The following TNNI3K variants were observed in gnomAD, a reference collection of about 807,000 sequenced individuals.
The protein encoded by TNNI3K is TNNI3 interacting kinase, also known as serine/threonine-protein kinase TNNI3K.
In TNNI3K, 140 loss-of-function variants were observed where a neutral mutation model predicts 114.5. That is an observed-to-expected ratio of 1.22 (90% CI 1.07 to 1.41). The LOEUF (loss-of-function observed/expected upper bound fraction) is 1.41. TNNI3K is among the 40% of genes most tolerant of loss of function. The pLI is 0.00. For missense variants in TNNI3K, 1,125 were observed against 1,007.6 expected, an observed-to-expected ratio of 1.12 and a Z score of -1.58; for synonymous variants, 347 against 347.5, an observed-to-expected ratio of 1.00 and a Z score of 0.02.
At chr1:74,540,009 C>T (rs567060494) in intron 23 of TNNI3K, among the ~76,000 whole-genome samples, 2 of 152,140 alleles carry the variant, frequency 1.3e-5, no homozygotes, top group African/African-American at 2.4e-5. Flanking sequence ...AAGGTTATAC[C>T]GCTAGAAATT....
intron 23 of TNNI3K, among the ~76,000 whole-genome samples, chr1:74,510,532 A>G (rs893510311): frequency 2.6e-5 from 4 of 152,112 alleles, no homozygotes; most frequent in Non-Finnish European, 5.9e-5. Flanking sequence ...TGAGAAAAAA[A>G]TTATTGAGAG....
At chr1:74,307,582 T>A (rs1176151154) in intron 5 of TNNI3K, among the ~76,000 whole-genome samples, 2 of 152,120 alleles carry the variant, frequency 1.3e-5, no homozygotes, top group Non-Finnish European at 2.9e-5. Flanking sequence ...CAACAATAAG[T>A]TTTAACCATC....
rs141020613 is a variant in TNNI3K, at chr1:74,325,143, G to T, written c.445-6307G>T. ...ACCAGGAACTGACCTTTGATCATCC[G>T]CATGCATGAGTTTCTGTGAAAGGGG... On this transcript the variant is annotated intron_variant, in intron 5 of 24. Transcript: ENST00000326637. Among the ~76,000 whole-genome samples, 13 of 152,236 alleles carry T rather than the reference G, an allele frequency of 8.5e-5. No individual in the cohort carries two copies. The East Asian group carries it at 2.3e-3, about 27-fold the overall frequency.
At chr1:74,408,317 T>G (rs766725135) in intron 17 of TNNI3K, among the ~76,000 whole-genome samples, 1 of 152,192 alleles carries the variant, frequency 6.6e-6, no homozygotes, top group Non-Finnish European at 1.5e-5. Context: ...ATATACCACC[T>G]GTTAGCCCAT....
chr1:74,299,208 G>A (rs1370561978), intron 5 of TNNI3K, among the ~76,000 whole-genome samples: 2 of 152,064 alleles, frequency 1.3e-5, no homozygotes, highest in Non-Finnish European at 1.5e-5. Flanking sequence ...ACCCTGAAGC[G>A]TGCTGATTGG....
intron 4 of TNNI3K, among the ~76,000 whole-genome samples, chr1:74,256,212 C>T (rs1655285590): frequency 6.6e-6 from 1 of 150,384 alleles, no homozygotes; most frequent in Non-Finnish European, 1.5e-5. Context: ...CAATTCCTTC[C>T]TACATTCCCA....
chr1:74,481,153 A>G (rs1167680225), intron 21 of TNNI3K, among the ~76,000 whole-genome samples: 3 of 152,220 alleles, frequency 2.0e-5, no homozygotes, highest in African/African-American at 4.8e-5. Context: ...CTATATATCA[A>G]AATGATGGAT....
chr1:74,268,597 G>A (rs1307528143), intron 4 of TNNI3K, among the ~76,000 whole-genome samples: 1 of 151,622 alleles, frequency 6.6e-6, no homozygotes, highest in East Asian at 1.9e-4. Flanking sequence ...ATTTTATTTG[G>A]AAGGTACTAT....
In TNNI3K at chr1:74,492,144, T is replaced by C; in HGVS notation, c.2229T>C (p.Ser743=). 6.2e-7 allele frequency: 1 copy of C among 1,612,998 alleles called. No individual in the cohort carries two copies. Among genetic ancestry groups the C allele is most frequent in the Non-Finnish European group, 8.5e-7 (1 of 1,179,164 alleles). Reference sequence around the variant, plus strand: ...ACAGCAGTGGGTCTCTCTCACCTTCTTCTTCTTCTGATTGCCTGGTGAACC... The same window carrying C: ...ACAGCAGTGGGTCTCTCTCACCTTCCTCTTCTTCTGATTGCCTGGTGAACC... ...SSNSSGSLSP[S]SSSDCLVNRG... The change falls in exon 23 of 25, where the codon TCT becomes TCC. Residue 743 remains serine (S), a synonymous_variant. Transcript: ENST00000326637.
intron 5 of TNNI3K, among the ~76,000 whole-genome samples, chr1:74,283,045 A>G (rs896800956): frequency 3.3e-5 from 5 of 152,212 alleles, no homozygotes; most frequent in Admixed American, 6.5e-5. Flanking sequence ...ATAGGTTTCC[A>G]TACTTGGTTT....
At chr1:74,358,992 T>C (rs1156513323) in intron 11 of TNNI3K, among the ~76,000 whole-genome samples, 2 of 152,010 alleles carry the variant, frequency 1.3e-5, no homozygotes, top group Non-Finnish European at 2.9e-5. Context: ...CTTTGTTTTA[T>C]AGATAAAGAG....
At chr1:74,477,958 A>G (rs1416780789) in intron 21 of TNNI3K, among the ~76,000 whole-genome samples, 1 of 152,238 alleles carries the variant, frequency 6.6e-6, no homozygotes, top group Admixed American at 6.5e-5. Context: ...CTACCAGTTC[A>G]TAGTGTAAGT....
Position 74,544,334 on chromosome 1 carries a change from G to T in TNNI3K, c.*352G>T. 1 of 190,462 alleles carries T rather than the reference G, an allele frequency of 5.3e-6. No individual in the cohort carries two copies. The allele number at this position is 190,462 out of a possible 1,614,324, so 11.8% of individuals were successfully genotyped here. A position where few individuals can be genotyped will look rare whatever the true frequency, so the allele number is the denominator to read the frequency against. On this transcript the variant is annotated 3_prime_UTR_variant, in exon 25 of 25. Coordinates refer to ENST00000326637, the MANE Select transcript of TNNI3K (RefSeq NM_015978.3). ...TGTAGACTTGTGTTTGACAGCTATG[G>T]GTTTATTTCTTAGAACATTGTTCAT...
chr1:74,418,270 A>C (rs971762540), intron 17 of TNNI3K: 2 of 413,186 alleles, frequency 4.8e-6, no homozygotes, highest in Admixed American at 2.8e-5. Context: ...AAGGCATCTC[A>C]GTTCCTAACG....
intron 9 of TNNI3K, among the ~76,000 whole-genome samples, chr1:74,352,106 C>G (rs1570505986): frequency 6.6e-6 from 1 of 152,090 alleles, no homozygotes. Flanking sequence ...GTTTTATCTA[C>G]CTTTGGTCTT....
intron 17 of TNNI3K, among the ~76,000 whole-genome samples, chr1:74,386,788 G>A (rs1236117621): frequency 2.0e-5 from 3 of 152,148 alleles, no homozygotes; most frequent in Non-Finnish European, 2.9e-5. Flanking sequence ...TAGTGTGAAA[G>A]TTAAAACTTC....
At chr1:74,359,277 T>C (rs1661826574) in intron 11 of TNNI3K, among the ~76,000 whole-genome samples, 1 of 152,078 alleles carries the variant, frequency 6.6e-6, no homozygotes, top group Admixed American at 6.6e-5. Flanking sequence ...TTTAAGTGCT[T>C]GGCACATAAC....
intron 21 of TNNI3K, chr1:74,470,319 T>C (rs1366196893): frequency 2.5e-6 from 1 of 400,618 alleles, no homozygotes; most frequent in African/African-American, 2.1e-5. Flanking sequence ...AGGTCATTTG[T>C]GAGATCTGAG....
intron 21 of TNNI3K, among the ~76,000 whole-genome samples, chr1:74,476,280 T>C (rs1668202563): frequency 6.6e-6 from 1 of 152,172 alleles, no homozygotes; most frequent in Admixed American, 6.6e-5. Context: ...GTGCCGACTC[T>C]AACCTGTTTC....
Sources: allele counts gnomAD v4.1 joint callset (sites outside exome capture counted in the v4.1 genomes callset), GRCh38; gene constraint gnomAD v4.1.1; transcripts MANE v1.5; gene names NCBI Gene and HGNC (gene_info 2026-07-23, HGNC 2026-07-21).